Variants in MAP3K7 observed in about 807,000 individuals in gnomAD.
MAP3K7 encodes mitogen-activated protein kinase kinase kinase 7.
A neutral mutation model predicts 84.8 loss-of-function variants in MAP3K7; 21 were observed. That is an observed-to-expected ratio of 0.25 (90% CI 0.18 to 0.36). The LOEUF is 0.36. Ranked by LOEUF, MAP3K7 falls within the 10% of genes least tolerant of loss-of-function variation. MAP3K7 has a pLI of 1.00. For synonymous variants in MAP3K7, 241 were observed against 247.7 expected (o/e 0.97, Z 0.25); for missense variants, 503 against 747.7 (o/e 0.67, Z 3.82).
At chr6:90,548,317 A>G in intron 9 of MAP3K7, 140 bp from the exon 10 acceptor site, 1 of 709,768 alleles carries the variant, frequency 1.4e-6, no homozygotes, top group Non-Finnish European at 2.2e-6. Context: ...TAATGAAGAT[A>G]TCCAAACAAA....
At chr6:90,556,348 T>C (rs375557030) in intron 6 of MAP3K7, 152 bp downstream of exon 6, 2 of 698,100 alleles carry the variant, frequency 2.9e-6, no homozygotes, top group Non-Finnish European at 4.4e-6. Flanking sequence ...ATTTAGGATA[T>C]AACACTATAT....
Position 90,552,054 on chromosome 6 carries a change from T to C in MAP3K7, c.862A>G (p.Met288Val). 6.2e-7 allele frequency: 1 copy of C among 1,609,982 alleles called. No homozygotes were observed. Among genetic ancestry groups the C allele is most frequent in the Non-Finnish European group, 8.5e-7 (1 of 1,176,816 alleles). ...CCTCAAAAGAAGGATTATACCCGCA[T>C]CAAGTGAGTCATTATTTTCACAATT... ...EEIVKIMTHL[M>V]RYFPGADEPL... The change falls in exon 8 of 17, where the codon ATG becomes GTG. Residue 288 changes from methionine to valine, a missense_variant. Met to Val is a conservative substitution (Grantham distance 21, BLOSUM62 1). Transcript: ENST00000369329.
At position 90,568,562 on chromosome 6, in the gene MAP3K7, T is replaced by C. The variant is rs959469426; in HGVS notation, c.293A>G (p.Asn98Ser). Reference sequence around the variant, plus strand: ...ATGAAAAAGTAACAAACTTACTGGATTCAAGCAGGCTCCATAAAGCTTTAC... The same window carrying C: ...ATGAAAAAGTAACAAACTTACTGGACTCAAGCAGGCTCCATAAAGCTTTAC... ...NIVKLYGACL[N>S]PVCLVMEYAE... Residue 98 changes from asparagine (N) to serine (S), a missense_variant, in exon 3 of 17, where the codon AAT (asparagine) becomes AGT (serine). Physicochemically the swap from Asn to Ser is conservative, Grantham distance 46. Around this residue, in one of 5 missense-constraint regions of MAP3K7, gnomAD observed 97 missense variants for 270.8 expected, o/e 0.36. Transcript: ENST00000369329. The C allele has an allele frequency of 1.2e-6, 2 of 1,606,786 alleles. No individual in the cohort carries two copies. The highest frequency in any genetic ancestry group is 1.1e-5 in the South Asian group (1 of 89,074).
At chr6:90,573,799 C>T (rs1562109193) in intron 1 of MAP3K7, among the ~76,000 whole-genome samples, 1 of 152,230 alleles carries the variant, frequency 6.6e-6, no homozygotes, top group South Asian at 2.1e-4. Context: ...AATGGGGCTG[C>T]CTCTAGGCAA....
Position 90,516,457 on chromosome 6 carries a change from A to G in MAP3K7, c.*44T>C, listed in dbSNP as rs1475181190. 1.3e-6 allele frequency: 2 copies of G among 1,582,856 alleles called. No individual in the cohort carries two copies. The highest frequency in any genetic ancestry group is 4.5e-5 in the East Asian group (2 of 44,656). On this transcript the variant is annotated 3_prime_UTR_variant, in exon 17 of 17. Transcript: ENST00000369329. The stretch of plus-strand genomic sequence containing the variant: ...ATAAGGTTTTCCTTTCCTTAAAAAA[A>G]AAGTCTTTCTTTGCATATTTCAAAA...
chr6:90,578,250 G>A (rs776646521), intron 1 of MAP3K7, among the ~76,000 whole-genome samples: 2 of 152,138 alleles, frequency 1.3e-5, no homozygotes, highest in Non-Finnish European at 2.9e-5. Flanking sequence ...ATACCGGCAG[G>A]AGGACAGGAG....
chr6:90,568,411 T>C (rs929425408), intron 3 of MAP3K7, 147 bp downstream of exon 3: 1 of 610,848 alleles, frequency 1.6e-6, no homozygotes, highest in Non-Finnish European at 2.8e-6. Context: ...TTTTAAAGTA[T>C]TGGAGGTACC....
chr6:90,520,865 A>T (rs1775126872), intron 14 of MAP3K7, among the ~76,000 whole-genome samples: 1 of 152,072 alleles, frequency 6.6e-6, no homozygotes, highest in Admixed American at 6.6e-5. Context: ...AAAATGACTG[A>T]TTTCCTCCTG....
chr6:90,524,028 G>A (rs1313106530), intron 13 of MAP3K7, among the ~76,000 whole-genome samples: 2 of 152,130 alleles, frequency 1.3e-5, no homozygotes, highest in East Asian at 3.8e-4. Context: ...AACAATATCA[G>A]GAAACTAGTA....
chr6:90,558,985 G>T (rs187409866), intron 5 of MAP3K7, among the ~76,000 whole-genome samples: 1 of 152,134 alleles, frequency 6.6e-6, no homozygotes, highest in Non-Finnish European at 1.5e-5. Flanking sequence ...TCATAAGTTT[G>T]CTTTAATAAT....
intron 13 of MAP3K7, among the ~76,000 whole-genome samples, chr6:90,528,680 GC>G (rs1747399489): frequency 6.6e-6 from 1 of 152,064 alleles, no homozygotes; most frequent in Non-Finnish European, 1.5e-5. Flanking sequence ...TTTGACACAG[GC>G]ATGCAATGCA....
intron 14 of MAP3K7, among the ~76,000 whole-genome samples, chr6:90,520,022 G>A (rs996166560): frequency 6.6e-6 from 1 of 152,026 alleles, no homozygotes; most frequent in African/African-American, 2.4e-5. Flanking sequence ...GAATGCTTTT[G>A]TTTATATTTC....
intron 13 of MAP3K7, among the ~76,000 whole-genome samples, chr6:90,533,500 G>A (rs1477047859): frequency 6.6e-6 from 1 of 152,214 alleles, no homozygotes; most frequent in African/African-American, 2.4e-5. Context: ...GCCGCTGTCA[G>A]AAAGCAAGGG....
intron 9 of MAP3K7, 104 bp downstream of exon 9, chr6:90,550,364 T>C: frequency 1.4e-6 from 1 of 703,242 alleles, no homozygotes; most frequent in Non-Finnish European, 2.3e-6. Flanking sequence ...ATGAAGGAAT[T>C]AAAATGCAAA....
intron 3 of MAP3K7, among the ~76,000 whole-genome samples, chr6:90,562,391 C>T (rs905189754): frequency 6.6e-6 from 1 of 152,172 alleles, no homozygotes; most frequent in African/African-American, 2.4e-5. Flanking sequence ...TGTGCTTTTC[C>T]AACGGTCTTA....
chr6:90,531,489 T>C (rs922864679), intron 13 of MAP3K7, among the ~76,000 whole-genome samples: 25 of 152,192 alleles, frequency 1.6e-4, no homozygotes, highest in Non-Finnish European at 2.1e-4. Context: ...TGGGTACTTA[T>C]TATGGTAGTT....
intron 1 of MAP3K7, among the ~76,000 whole-genome samples, chr6:90,579,345 T>C (rs1582244919): frequency 6.6e-6 from 1 of 152,310 alleles, no homozygotes. Flanking sequence ...ATCCCTTCTC[T>C]GCCTGTCTCT....
Position 90,536,392 on chromosome 6 carries a change from T to C in MAP3K7, c.1301A>G (p.Gln434Arg). Residue 434 changes from glutamine (Q) to arginine (R), a missense_variant, in exon 13 of 17, where the codon CAG (glutamine) becomes CGG (arginine). Gln to Arg is a conservative substitution (Grantham distance 43). Coordinates refer to ENST00000369329, the MANE Select transcript of MAP3K7 (RefSeq NM_145331.3). ...VPEIVISGNG[Q>R]PRRRSIQDLT... ...GTCTTGGATGGATCTACGTCTTGGC[T>C]GTCCGTTGCCTTTAAAAAGAAGAAA... 1 of 1,611,830 alleles carries C rather than the reference T, an allele frequency of 6.2e-7. No individual in the cohort carries two copies. Among genetic ancestry groups the C allele is most frequent in the Non-Finnish European group, 8.5e-7 (1 of 1,178,386 alleles).
At chr6:90,573,335 A>G (rs565267324) in intron 1 of MAP3K7, among the ~76,000 whole-genome samples, 1 of 152,212 alleles carries the variant, frequency 6.6e-6, no homozygotes, top group Admixed American at 6.5e-5. Context: ...AAACTCTTCT[A>G]TAACAAAGTT....
Sources: allele counts gnomAD v4.1 joint callset (sites outside exome capture counted in the v4.1 genomes callset), GRCh38; gene constraint gnomAD v4.1.1; regional missense constraint gnomAD v4.1.1; transcripts MANE v1.5; gene names NCBI Gene and HGNC (gene_info 2026-07-23, HGNC 2026-07-21).